The following PTPRR variants were observed in gnomAD, a reference collection of about 807,000 sequenced individuals.
The protein encoded by PTPRR is receptor-type tyrosine-protein phosphatase R.
Under a neutral mutation model 77.2 loss-of-function variants are expected in PTPRR, and 38 were observed. The ratio of observed to expected loss-of-function variants is 0.49; its 90% CI spans 0.38 to 0.65. The LOEUF (loss-of-function observed/expected upper bound fraction) is 0.65. Ranked by LOEUF, PTPRR falls within the 30% of genes least tolerant of loss-of-function variation. PTPRR has a pLI of 0.00. For missense variants in PTPRR, 744 were observed against 799.2 expected (o/e 0.93, Z 0.83); for synonymous variants, 299 against 283.1 (o/e 1.06, Z -0.57).
intron 6 of PTPRR, among the ~76,000 whole-genome samples, chr12:70,716,088 G>A (rs1247234754): frequency 6.6e-6 from 1 of 152,062 alleles, no homozygotes; most frequent in Non-Finnish European, 1.5e-5. Flanking sequence ...TTCTGCCAAG[G>A]CTTCAGCCGG....
At chr12:70,866,089 T>C (rs1449015673) in intron 2 of PTPRR, among the ~76,000 whole-genome samples, 1 of 151,522 alleles carries the variant, frequency 6.6e-6, no homozygotes, top group Admixed American at 6.6e-5. Flanking sequence ...GCAGGAAAGA[T>C]CCAAAATTGA....
chr12:70,698,404 C>A, intron 7 of PTPRR, 55 bp from the exon 8 acceptor site: 2 of 1,468,846 alleles, frequency 1.4e-6, no homozygotes, highest in Non-Finnish European at 1.9e-6. Flanking sequence ...CAAAGAAAAT[C>A]TTCACAGGGG....
chr12:70,768,937 A>G (rs1287572204), intron 2 of PTPRR, among the ~76,000 whole-genome samples: 4 of 151,460 alleles, frequency 2.6e-5, no homozygotes, highest in Admixed American at 2.0e-4. Context: ...GATGCAGAAA[A>G]AGCCTTTGAC....
At chr12:70,745,657 G>T (rs192368300) in intron 6 of PTPRR, among the ~76,000 whole-genome samples, 161 bp downstream of exon 6, 91 of 152,296 alleles carry the variant, frequency 6.0e-4, no homozygotes, top group Non-Finnish European at 9.8e-4. Flanking sequence ...AACACAGTTG[G>T]ATTCCTTTGG....
chr12:70,712,982 T>C (rs1005492867), intron 6 of PTPRR, among the ~76,000 whole-genome samples: 1 of 152,112 alleles, frequency 6.6e-6, no homozygotes, highest in Non-Finnish European at 1.5e-5. Flanking sequence ...CTACAATAAA[T>C]TTTAAAGCAT....
At chr12:70,743,466 T>G (rs1890116393) in intron 6 of PTPRR, among the ~76,000 whole-genome samples, 1 of 152,108 alleles carries the variant, frequency 6.6e-6, no homozygotes, top group South Asian at 2.1e-4. Flanking sequence ...GGGAGTTTCT[T>G]TAATACAAGA....
chr12:70,905,427 G>A (rs1254112127), intron 1 of PTPRR, among the ~76,000 whole-genome samples: 3 of 151,976 alleles, frequency 2.0e-5, no homozygotes, highest in African/African-American at 7.2e-5. Flanking sequence ...GAGGGATAGA[G>A]TGTCTCTTAC....
At chr12:70,809,285 G>A (rs1474342891) in intron 2 of PTPRR, among the ~76,000 whole-genome samples, 2 of 152,202 alleles carry the variant, frequency 1.3e-5, no homozygotes, top group South Asian at 2.1e-4. Flanking sequence ...TACAAAGCCA[G>A]AAGGCAAATG....
chr12:70,873,994 T>C (rs554220277), intron 2 of PTPRR, among the ~76,000 whole-genome samples: 1 of 152,284 alleles, frequency 6.6e-6, no homozygotes, highest in Admixed American at 6.5e-5. Context: ...ATGTGCTAAG[T>C]GGGTTCTGAG....
intron 2 of PTPRR, among the ~76,000 whole-genome samples, chr12:70,784,578 C>A (rs1050566288): frequency 6.6e-6 from 1 of 152,222 alleles, no homozygotes; most frequent in South Asian, 2.1e-4. Flanking sequence ...TGTCTGCCTC[C>A]TCCCAGTACC....
At chr12:70,767,640 G>A (rs1890860965) in intron 2 of PTPRR, among the ~76,000 whole-genome samples, 1 of 152,082 alleles carries the variant, frequency 6.6e-6, no homozygotes, top group African/African-American at 2.4e-5. Context: ...CCCAGGAATT[G>A]AATTCAGCTC....
intron 6 of PTPRR, among the ~76,000 whole-genome samples, chr12:70,739,303 T>C (rs961862694): frequency 2.6e-5 from 4 of 152,184 alleles, no homozygotes; most frequent in African/African-American, 9.7e-5. Context: ...GTTAATTTTG[T>C]AGTATCCTTT....
At chr12:70,915,111 T>C (rs1893756804) in intron 1 of PTPRR, among the ~76,000 whole-genome samples, 1 of 151,956 alleles carries the variant, frequency 6.6e-6, no homozygotes, top group South Asian at 2.1e-4. Context: ...GCTGGAGAAA[T>C]AAGAGGGAAG....
chr12:70,749,001 G>A (rs994147955), intron 5 of PTPRR, among the ~76,000 whole-genome samples: 2 of 152,090 alleles, frequency 1.3e-5, no homozygotes, highest in Admixed American at 6.6e-5. Flanking sequence ...CAAAAATAGA[G>A]GTGTGCCCAC....
At chr12:70,768,055 G>A (rs1308803199) in intron 2 of PTPRR, among the ~76,000 whole-genome samples, 1 of 152,016 alleles carries the variant, frequency 6.6e-6, no homozygotes. Context: ...GCCCACAAGA[G>A]AAAGCAGGAA....
chr12:70,779,888 G>A (rs1334564989), intron 2 of PTPRR, among the ~76,000 whole-genome samples: 1 of 152,122 alleles, frequency 6.6e-6, no homozygotes, highest in East Asian at 1.9e-4. Context: ...AATTGATTTA[G>A]CATAATTTGT....
chr12:70,651,501 G>A (rs542650558), intron 13 of PTPRR, among the ~76,000 whole-genome samples: 1 of 152,284 alleles, frequency 6.6e-6, no homozygotes, highest in East Asian at 1.9e-4. Context: ...CCCTCAAATT[G>A]TACTCTTAAG....
chr12:70,871,515 G>T (rs1349949263), intron 2 of PTPRR, among the ~76,000 whole-genome samples: 3 of 152,128 alleles, frequency 2.0e-5, no homozygotes, highest in Non-Finnish European at 4.4e-5. Context: ...TAGGACAAGG[G>T]TAGGAATCTA....
intron 2 of PTPRR, among the ~76,000 whole-genome samples, chr12:70,835,776 TAATAA>T (rs1419357845): frequency 1.3e-5 from 2 of 152,170 alleles, no homozygotes; most frequent in African/African-American, 4.8e-5. Context: ...ATATCAATTT[TAATAA>T]AATAAACATT....
Sources: gnomAD v4.1 joint callset for allele counts (sites outside exome capture counted in the v4.1 genomes callset) on GRCh38, gnomAD v4.1.1 for gene constraint, MANE v1.5 for transcripts, NCBI Gene and HGNC (gene_info 2026-07-23, HGNC 2026-07-21) for gene names.